The following SUMF1 variants were observed in gnomAD, a reference collection of about 807,000 sequenced individuals.
The protein encoded by SUMF1 is formylglycine-generating enzyme.
SUMF1 carries 48 observed loss-of-function variants against 47.6 expected under a neutral mutation model. That is an observed-to-expected ratio of 1.01 (90% CI 0.80 to 1.28). SUMF1 has a LOEUF of 1.28. Ranked by LOEUF, SUMF1 falls within the 50% of genes most tolerant of loss-of-function variation. The pLI is 0.00. For missense variants in SUMF1, 571 were observed against 485.4 expected, an observed-to-expected ratio of 1.18 and a Z score of -1.66; for synonymous variants, 230 against 192.1, an observed-to-expected ratio of 1.20 and a Z score of -1.63.
chr3:4,052,997 C>T (rs1327063984), intron 9 of SUMF1, among the ~76,000 whole-genome samples: 2 of 152,154 alleles, frequency 1.3e-5, no homozygotes, highest in Non-Finnish European at 2.9e-5. Flanking sequence ...ACTTGGCTAA[C>T]TGCTTGGCAA....
At chr3:4,225,529 G>C (rs167517) in intron 8 of SUMF1, among the ~76,000 whole-genome samples, 32,739 of 152,048 alleles carry the variant, frequency 0.22, 4,644 homozygotes, top group African/African-American at 0.39. Flanking sequence ...TGACCAGATA[G>C]AACAGCAGCT....
rs1327945306 is a variant in SUMF1, at chr3:4,151,421, GTGTATACATGTGTATATATGTATATA to G, written c.1015-82702_1015-82677del. On this transcript the variant is annotated intron_variant and NMD_transcript_variant, in intron 8 of 12. Coordinates refer to the SUMF1 transcript ENST00000448413. ...TATGTATATGTATATATGTATATAT[GTGTATACATGTGTATATATGTATATA>G]TGTATACATGTGTATATATGTATAT... Among the ~76,000 whole-genome samples, 24 of 51,018 alleles carry G rather than the reference GTGTATACATGTGTATATATGTATATA, an allele frequency of 4.7e-4. No homozygotes were observed. The East Asian group carries it at 0.011, about 23-fold the overall frequency. 33.5% of individuals were successfully genotyped at this position (51,018 alleles called of 152,430 possible).
At chr3:4,191,179 C>T (rs1574965088) in intron 8 of SUMF1, among the ~76,000 whole-genome samples, 1 of 152,118 alleles carries the variant, frequency 6.6e-6, no homozygotes, top group East Asian at 1.9e-4. Context: ...TTGAGGCTGC[C>T]TTTGTATAGC....
intron 8 of SUMF1, among the ~76,000 whole-genome samples, chr3:4,197,866 A>T (rs1695462018): frequency 6.6e-6 from 1 of 152,156 alleles, no homozygotes; most frequent in Non-Finnish European, 1.5e-5. Context: ...TCCAACTGTG[A>T]TCCATGGGGT....
At chr3:4,288,153 C>T (rs1197850911) in intron 8 of SUMF1, among the ~76,000 whole-genome samples, 2 of 152,110 alleles carry the variant, frequency 1.3e-5, no homozygotes, top group Non-Finnish European at 2.9e-5. Context: ...GAGGAATATA[C>T]AATAATACAA....
chr3:4,408,623 T>C (rs554859364), intron 7 of SUMF1, among the ~76,000 whole-genome samples: 7 of 151,924 alleles, frequency 4.6e-5, no homozygotes, highest in Non-Finnish European at 1.0e-4. Flanking sequence ...AGGCGAGGAG[T>C]TCGAGACCAG....
chr3:4,265,459 CA>C (rs1697173166), intron 8 of SUMF1, among the ~76,000 whole-genome samples: 1 of 152,130 alleles, frequency 6.6e-6, no homozygotes, highest in African/African-American at 2.4e-5. Context: ...TTATAGCTTA[CA>C]AAACACTTTT....
chr3:4,187,489 G>C (rs140080445), intron 8 of SUMF1, among the ~76,000 whole-genome samples: 91 of 152,154 alleles, frequency 6.0e-4, no homozygotes, highest in African/African-American at 2.1e-3. Flanking sequence ...ACTATGTCTT[G>C]TTTAGTGGTA....
chr3:4,217,342 C>T (rs999140925), intron 8 of SUMF1, among the ~76,000 whole-genome samples: 2 of 148,318 alleles, frequency 1.3e-5, no homozygotes, highest in African/African-American at 2.5e-5. Context: ...GGGAGGGGAA[C>T]ATCACACACA....
chr3:4,313,605 C>CTG, intron 8 of SUMF1: 1 of 1,614,082 alleles, frequency 6.2e-7, no homozygotes, highest in South Asian at 1.1e-5. Context: ...AACCTTGTTA[C>CTG]TGTGGTGCCA....
intron 7 of SUMF1, among the ~76,000 whole-genome samples, chr3:4,389,845 C>T (rs182249516): frequency 6.6e-6 from 1 of 152,114 alleles, no homozygotes. Context: ...TTTGCTGAAG[C>T]TTTCAATTTT....
chr3:4,430,609 A>T (rs1267165991), intron 3 of SUMF1, among the ~76,000 whole-genome samples: 3 of 141,276 alleles, frequency 2.1e-5, no homozygotes, highest in African/African-American at 7.3e-5. Context: ...CATTCCGCAA[A>T]TACTTGGTGA....
At chr3:4,147,342 GC>G in intron 8 of SUMF1, among the ~76,000 whole-genome samples, 1 of 152,228 alleles carries the variant, frequency 6.6e-6, no homozygotes, top group South Asian at 2.1e-4. Flanking sequence ...TATAAAACAT[GC>G]TGCTATAAAG....
At chr3:4,205,092 C>A (rs1203020783) in intron 8 of SUMF1, among the ~76,000 whole-genome samples, 3 of 152,126 alleles carry the variant, frequency 2.0e-5, no homozygotes, top group African/African-American at 7.2e-5. Flanking sequence ...CCTGAAGCAA[C>A]TGAAGATCCA....
intron 8 of SUMF1, among the ~76,000 whole-genome samples, chr3:4,336,557 A>C (rs927702024): frequency 2.0e-5 from 3 of 152,188 alleles, no homozygotes; most frequent in Non-Finnish European, 4.4e-5. Context: ...TGGCATAGTG[A>C]GTTTGAGGTC....
At chr3:4,427,744 C>T (rs777203165) in intron 3 of SUMF1, among the ~76,000 whole-genome samples, 12 of 152,148 alleles carry the variant, frequency 7.9e-5, no homozygotes, top group Non-Finnish European at 1.6e-4. Flanking sequence ...CCAAGGCACA[C>T]AATCAGTAAT....
At chr3:4,152,181 T>C (rs1288124545) in intron 8 of SUMF1, among the ~76,000 whole-genome samples, 1 of 151,600 alleles carries the variant, frequency 6.6e-6, no homozygotes, top group Non-Finnish European at 1.5e-5. Flanking sequence ...AATTTTAATG[T>C]TTGAAATGAA....
intron 9 of SUMF1, among the ~76,000 whole-genome samples, chr3:4,047,143 T>C (rs1007152028): frequency 6.6e-6 from 1 of 152,086 alleles, no homozygotes; most frequent in Non-Finnish European, 1.5e-5. Flanking sequence ...AAGTCTCAGT[T>C]TAAATATCAC....
Position 4,340,277 on chromosome 3 carries a change from C to T in SUMF1, c.1014+36053G>A, listed in dbSNP as rs140831795. On this transcript the variant is annotated intron_variant and NMD_transcript_variant, in intron 8 of 12. Transcript: ENST00000448413. Reference sequence around the variant, plus strand: ...CACTTTGAGAACCACTTACCACACACTGTACCCACACAAAGCCTCAACCCA... The same window carrying T: ...CACTTTGAGAACCACTTACCACACATTGTACCCACACAAAGCCTCAACCCA... Among the ~76,000 whole-genome samples, 191 of 152,308 alleles carry T rather than the reference C, an allele frequency of 1.3e-3. 1 individual carries two copies. The Middle Eastern group carries it at 0.027, about 22-fold the overall frequency.
Sources: gnomAD v4.1 joint callset for allele counts (sites outside exome capture counted in the v4.1 genomes callset) on GRCh38, gnomAD v4.1.1 for gene constraint, MANE v1.5 for transcripts, NCBI Gene and HGNC (gene_info 2026-07-23, HGNC 2026-07-21) for gene names.